Variants in DISP1 observed in about 807,000 individuals in gnomAD.
The protein encoded by DISP1 is protein dispatched homolog 1.
DISP1 carries 30 observed loss-of-function variants against 37.3 expected under a neutral mutation model. The ratio of observed to expected loss-of-function variants is 0.80; its 90% CI spans 0.60 to 1.09. The LOEUF (loss-of-function observed/expected upper bound fraction) is 1.09. DISP1 is among the 50% of genes least tolerant of loss of function. DISP1 has a pLI of 0.00. For synonymous variants in DISP1, 634 were observed against 690.2 expected, an observed-to-expected ratio of 0.92 and a Z score of 1.28; for missense variants, 1,598 against 1,879.5, an observed-to-expected ratio of 0.85 and a Z score of 2.77.
chr1:222,828,812 T>A (rs749730003), intron 1 of DISP1, among the ~76,000 whole-genome samples: 1 of 152,204 alleles, frequency 6.6e-6, no homozygotes, highest in African/African-American at 2.4e-5. Context: ...TCTCTTACTT[T>A]ATTGTTGGCT....
At chr1:222,921,551 T>C (rs1405161717) in intron 1 of DISP1, among the ~76,000 whole-genome samples, 1 of 152,204 alleles carries the variant, frequency 6.6e-6, no homozygotes, top group African/African-American at 2.4e-5. Context: ...TTACTGTCAT[T>C]CCTTATTATT....
chr1:222,912,118 C>G (rs1406410765), intron 1 of DISP1, among the ~76,000 whole-genome samples: 1 of 151,996 alleles, frequency 6.6e-6, no homozygotes, highest in Non-Finnish European at 1.5e-5. Flanking sequence ...TTCATAAGCT[C>G]TTACTAATGT....
At position 223,005,782 on chromosome 1, in the gene DISP1, T is replaced by C; in HGVS notation, c.4385T>C (p.Val1462Ala). 6.2e-7 allele frequency: 1 copy of C among 1,614,118 alleles called. No homozygotes were observed. Among genetic ancestry groups the C allele is most frequent in the South Asian group, 1.1e-5 (1 of 91,076 alleles). Residue 1462 changes from valine (V) to alanine (A), a missense_variant, in exon 9 of 9, where the codon GTC becomes GCC. Physicochemically the swap from Val to Ala is moderately conservative, Grantham distance 64. Transcript: ENST00000675850. The stretch of plus-strand genomic sequence containing the variant: ...CATTTCAATCAGAATGAACCAAAAG[T>C]CCTATTTAATCATTTAATGGGGGAG... The part of the protein sequence containing the change: ...SEHFNQNEPK[V>A]LFNHLMGEAG...
intron 4 of DISP1, chr1:222,989,605 T>C (rs745438408): frequency 2.0e-6 from 2 of 975,736 alleles, no homozygotes; most frequent in Non-Finnish European, 2.4e-6. Context: ...GTTCTGCACA[T>C]GTGGGAAGAG....
chr1:222,934,430 C>A (rs927933896), intron 2 of DISP1, among the ~76,000 whole-genome samples: 1 of 152,020 alleles, frequency 6.6e-6, no homozygotes, highest in African/African-American at 2.4e-5. Flanking sequence ...TTGGCTTCTG[C>A]GTAGCCCCAC....
At chr1:222,986,378 T>A (rs758491655) in intron 4 of DISP1, among the ~76,000 whole-genome samples, 1 of 152,236 alleles carries the variant, frequency 6.6e-6, no homozygotes, top group African/African-American at 2.4e-5. Flanking sequence ...ATGACCCACT[T>A]AAAATTGGCC....
At chr1:222,881,247 A>G (rs1324307235) in intron 1 of DISP1, among the ~76,000 whole-genome samples, 1 of 152,022 alleles carries the variant, frequency 6.6e-6, no homozygotes, top group Non-Finnish European at 1.5e-5. Flanking sequence ...CCAGGCTGGA[A>G]AGCAATGGCG....
At chr1:222,963,828 C>G (rs1410968816) in intron 3 of DISP1, among the ~76,000 whole-genome samples, 1 of 151,980 alleles carries the variant, frequency 6.6e-6, no homozygotes, top group Non-Finnish European at 1.5e-5. Flanking sequence ...ACCACCATGG[C>G]ACATGTATAC....
chr1:223,000,240 T>C (rs1358125253), intron 8 of DISP1, among the ~76,000 whole-genome samples: 1 of 152,188 alleles, frequency 6.6e-6, no homozygotes, highest in Non-Finnish European at 1.5e-5. Flanking sequence ...TTGCATTACC[T>C]TTCATTCAGT....
rs1406849984 is a variant in DISP1 at position 223,002,564 on chromosome 1, C to T, written c.1167C>T (p.Tyr389=). Residue 389 remains tyrosine (Y), a synonymous_variant, in exon 9 of 9, where the codon TAC becomes TAT. Coordinates refer to ENST00000675850, the MANE Select transcript of DISP1 (RefSeq NM_001377229.1). The part of the protein sequence containing the change: ...LKLLRTCAKH[Y]QNGTLGPDCW... Reference sequence around the variant, plus strand: ...TGCTTCGGACTTGTGCCAAACACTACCAAAATGGCACTCTGGGGCCAGACT... The same window carrying T: ...TGCTTCGGACTTGTGCCAAACACTATCAAAATGGCACTCTGGGGCCAGACT... The T allele has an allele frequency of 1.2e-6, 2 of 1,614,134 alleles. No individual in the cohort carries two copies. The highest frequency in any genetic ancestry group is 8.5e-7 in the Non-Finnish European group (1 of 1,180,020).
chr1:222,945,634 G>A (rs1444467514), intron 3 of DISP1: 1 of 130,186 alleles, frequency 7.7e-6, no homozygotes, highest in Non-Finnish European at 1.8e-5. Flanking sequence ...GAAATAGAAT[G>A]GCATTAAAAA....
At chr1:222,879,561 C>T (rs989297436) in intron 1 of DISP1, among the ~76,000 whole-genome samples, 3 of 152,006 alleles carry the variant, frequency 2.0e-5, no homozygotes, top group Non-Finnish European at 2.9e-5. Context: ...GTGTACATTT[C>T]TGTAGGTTAT....
chr1:222,997,044 C>T (rs1334386195), intron 8 of DISP1, among the ~76,000 whole-genome samples: 2 of 148,068 alleles, frequency 1.4e-5, no homozygotes, highest in African/African-American at 2.5e-5. Flanking sequence ...GTCTCTCTCT[C>T]TCTCTCTATA....
chr1:222,938,933 T>A (rs1485226894), intron 2 of DISP1, among the ~76,000 whole-genome samples: 1 of 152,046 alleles, frequency 6.6e-6, no homozygotes, highest in Non-Finnish European at 1.5e-5. Context: ...CTATAGACAG[T>A]TCATAAAATA....
Position 222,903,329 on chromosome 1 carries a change from A to G in DISP1, c.-158-25101A>G, listed in dbSNP as rs563925992. 2.0e-5 allele frequency among the ~76,000 whole-genome samples: 3 copies of G among 150,392 alleles called. No individual in the cohort carries two copies. In the South Asian group the frequency reaches 6.5e-4, roughly 33 times the overall value. The stretch of plus-strand genomic sequence containing the variant: ...GGGGGGAGGGGGGAGGGATAGCATT[A>G]GGAGATATACCTAATGCTAAATGAC... On this transcript the variant is annotated intron_variant, in intron 1 of 8. Transcript: ENST00000675850.
chr1:222,843,571 G>GA (rs949980555), intron 1 of DISP1, among the ~76,000 whole-genome samples: 2 of 149,842 alleles, frequency 1.3e-5, no homozygotes, highest in Non-Finnish European at 3.0e-5. Context: ...GATGGGGGGG[G>GA]GAAATTTCTT....
At chr1:222,943,404 T>G in intron 3 of DISP1, 72 bp downstream of exon 3, 1 of 1,600,636 alleles carries the variant, frequency 6.2e-7, no homozygotes, top group Non-Finnish European at 8.6e-7. Context: ...GTGTTTATTT[T>G]CCTGAAAGGA....
chr1:222,979,715 C>T (rs1435190485), intron 3 of DISP1: 1 of 468,706 alleles, frequency 2.1e-6, no homozygotes, highest in Non-Finnish European at 4.4e-6. Flanking sequence ...AAGCCCTCAC[C>T]AGCTCACTGG....
chr1:222,833,178 C>T (rs1228986134), intron 1 of DISP1, among the ~76,000 whole-genome samples: 1 of 151,454 alleles, frequency 6.6e-6, no homozygotes, highest in African/African-American at 2.5e-5. Context: ...AGCTTCCACA[C>T]TCTGTTTTAG....
Sources: gnomAD v4.1 joint callset for allele counts (sites outside exome capture counted in the v4.1 genomes callset) on GRCh38, gnomAD v4.1.1 for gene constraint, MANE v1.5 for transcripts, NCBI Gene and HGNC (gene_info 2026-07-23, HGNC 2026-07-21) for gene names.